The following ACYP2 variants were observed in gnomAD, a reference collection of about 807,000 sequenced individuals.
ACYP2 encodes the protein acylphosphatase-2.
ACYP2 carries 12 observed loss-of-function variants against 11.2 expected under a neutral mutation model. The ratio of observed to expected loss-of-function variants is 1.08; its 90% confidence interval spans 0.69 to 1.74. ACYP2 has a LOEUF of 1.74. Ranked by LOEUF, ACYP2 falls within the 40% of genes most tolerant of loss-of-function variation. ACYP2 has a pLI of 0.00. For missense variants in ACYP2, 134 were observed against 101.9 expected, an observed-to-expected ratio of 1.31 and a Z score of -1.35; for synonymous variants, 43 against 32.2, an observed-to-expected ratio of 1.33 and a Z score of -1.13.
At chr2:54,288,007 G>T (rs1017700223) in intron 6 of ACYP2, among the ~76,000 whole-genome samples, 1 of 151,886 alleles carries the variant, frequency 6.6e-6, no homozygotes, top group African/African-American at 2.4e-5. Context: ...TTCCCTTTGG[G>T]TTAATTCCCT....
At chr2:54,009,577 A>AAAT (rs749127700) in intron 2 of ACYP2, among the ~76,000 whole-genome samples, 2 of 152,086 alleles carry the variant, frequency 1.3e-5, no homozygotes, top group Non-Finnish European at 2.9e-5. Context: ...TCTGTCTCAA[A>AAAT]AATAATAATA....
chr2:54,118,655 C>T (rs962733177), intron 4 of ACYP2, among the ~76,000 whole-genome samples: 23 of 152,224 alleles, frequency 1.5e-4, no homozygotes, highest in East Asian at 5.8e-4. Context: ...AGTGGTAACA[C>T]GGTATATAAT....
At chr2:54,176,612 C>A (rs1203363007) in intron 6 of ACYP2, among the ~76,000 whole-genome samples, 1 of 152,140 alleles carries the variant, frequency 6.6e-6, no homozygotes, top group Non-Finnish European at 1.5e-5. Flanking sequence ...ATTCTATCAC[C>A]CAGAGTCAGT....
At chr2:54,255,134 T>C (rs747517520) in intron 6 of ACYP2, 13 of 1,614,140 alleles carry the variant, frequency 8.1e-6, no homozygotes, top group Non-Finnish European at 1.1e-5. Context: ...TTCCTATGAA[T>C]GAAGGACTGG....
At chr2:54,081,586 A>C (rs1420694186) in intron 4 of ACYP2, among the ~76,000 whole-genome samples, 1 of 152,210 alleles carries the variant, frequency 6.6e-6, no homozygotes, top group African/African-American at 2.4e-5. Flanking sequence ...GGTTTGTATA[A>C]GCACACCCCG....
At chr2:54,162,685 G>GC (rs1214973587) in intron 6 of ACYP2, among the ~76,000 whole-genome samples, 2 of 152,110 alleles carry the variant, frequency 1.3e-5, no homozygotes, top group African/African-American at 4.8e-5. Flanking sequence ...TCCTGTACAG[G>GC]CCAGGCATGG....
chr2:54,079,031 A>G (rs902063832), intron 4 of ACYP2, among the ~76,000 whole-genome samples: 6 of 152,226 alleles, frequency 3.9e-5, no homozygotes, highest in African/African-American at 1.4e-4. Flanking sequence ...TGCAGTTTCT[A>G]AATTCCTTTT....
At chr2:54,051,342 C>T in intron 3 of ACYP2, 2 of 762,922 alleles carry the variant, frequency 2.6e-6, no homozygotes, top group South Asian at 1.3e-5. Context: ...TTAAGAAGTG[C>T]TCAGAGAGGT....
chr2:54,280,392 A>G, intron 6 of ACYP2, among the ~76,000 whole-genome samples: 1 of 152,166 alleles, frequency 6.6e-6, no homozygotes, highest in South Asian at 2.1e-4. Context: ...ATGGAGGTAG[A>G]GGCAGATAGG....
intron 6 of ACYP2, among the ~76,000 whole-genome samples, chr2:54,261,293 A>AT (rs1050579948): frequency 3.3e-5 from 5 of 151,612 alleles, no homozygotes; most frequent in East Asian, 1.9e-4. Context: ...TCTGGCTATA[A>AT]TTTTTTTTTC....
At chr2:54,136,408 G>C (rs1681238475) in intron 5 of ACYP2, among the ~76,000 whole-genome samples, 1 of 152,036 alleles carries the variant, frequency 6.6e-6, no homozygotes. Flanking sequence ...TATCTGAGGT[G>C]GGTCACTAGA....
chr2:54,177,912 T>A (rs1384038830), intron 6 of ACYP2, among the ~76,000 whole-genome samples: 1 of 148,562 alleles, frequency 6.7e-6, no homozygotes, highest in Non-Finnish European at 1.5e-5. Flanking sequence ...TTTATTTTTT[T>A]TTTTTTTTTT....
chr2:53,985,096 G>A (rs62139336), intron 2 of ACYP2, among the ~76,000 whole-genome samples: 37,978 of 145,450 alleles, frequency 0.26, 5,559 homozygotes, highest in South Asian at 0.46. Flanking sequence ...TTGAGATGGA[G>A]TCTCGCTCTG....
intron 2 of ACYP2, chr2:54,029,645 C>T: frequency 2.6e-6 from 1 of 380,618 alleles, no homozygotes; most frequent in Non-Finnish European, 5.0e-6. Context: ...TCATGCGTTT[C>T]AGGAAATTCT....
intron 2 of ACYP2, among the ~76,000 whole-genome samples, chr2:53,984,821 G>A (rs142892018): frequency 9.2e-4 from 140 of 151,756 alleles, no homozygotes; most frequent in African/African-American, 3.1e-3. Flanking sequence ...GTTGTAGGAT[G>A]AATGCAGAAA....
intron 2 of ACYP2, among the ~76,000 whole-genome samples, chr2:54,048,685 G>A (rs1369471890): frequency 2.6e-5 from 4 of 152,124 alleles, no homozygotes; most frequent in African/African-American, 7.2e-5. Context: ...TAAGTGTATA[G>A]TTCAGTAGTA....
intron 2 of ACYP2, among the ~76,000 whole-genome samples, chr2:53,981,294 A>G (rs1395366633): frequency 6.6e-6 from 1 of 152,238 alleles, no homozygotes; most frequent in Non-Finnish European, 1.5e-5. Flanking sequence ...TGAAGCAACA[A>G]AAGCAGAGAT....
intron 2 of ACYP2, chr2:53,973,830 G>A (rs1573416748): frequency 3.9e-6 from 1 of 253,608 alleles, no homozygotes. Context: ...ATAAAAGGAG[G>A]GATTTTTGAA....
At chr2:54,074,742 G>T (rs1425780743) in intron 4 of ACYP2, among the ~76,000 whole-genome samples, 1 of 152,118 alleles carries the variant, frequency 6.6e-6, no homozygotes, top group Non-Finnish European at 1.5e-5. Flanking sequence ...TCCAAAATCT[G>T]CAGGGTGGGC....
Sources: gnomAD v4.1 joint callset for allele counts (sites outside exome capture counted in the v4.1 genomes callset) on GRCh38, gnomAD v4.1.1 for gene constraint, MANE v1.5 for transcripts, NCBI Gene and HGNC (gene_info 2026-07-23, HGNC 2026-07-21) for gene names.